The following SUCLG2 variants were observed in gnomAD, a reference collection of about 807,000 sequenced individuals.
SUCLG2 encodes succinate-CoA ligase GDP-forming subunit beta.
A neutral mutation model predicts 47.9 loss-of-function variants in SUCLG2; 42 were observed. The observed-to-expected ratio is 0.88, with a 90% CI of 0.69 to 1.14. SUCLG2 has a LOEUF of 1.14. Ranked by LOEUF, SUCLG2 falls within the 50% of genes most tolerant of loss-of-function variation. The pLI is 0.00. For missense variants in SUCLG2, 571 were observed against 525.9 expected (o/e 1.09, Z -0.84); for synonymous variants, 195 against 197.3 (o/e 0.99, Z 0.10).
rs1705326312 is a variant in SUCLG2 at position 67,495,902 on chromosome 3, T to C, written c.958A>G (p.Ile320Val). ...GCTGGCTTCCCACCATTAAGGAAAA[T>C]GATATCACAAGTAGCCATGGCGAGC... ...AGLAMATCDI[I>V]FLNGGKPANF... Residue 320 changes from isoleucine (I) to valine (V), a missense_variant, in exon 9 of 11, where the codon ATT becomes GTT. By Grantham distance (29) the Ile-to-Val change is conservative. Coordinates refer to ENST00000307227, the MANE Select transcript of SUCLG2 (RefSeq NM_003848.4). 9.3e-6 allele frequency: 15 copies of C among 1,613,790 alleles called. No individual in the cohort carries two copies. Among genetic ancestry groups the C allele is most frequent in the Non-Finnish European group, 1.3e-5 (15 of 1,179,974 alleles).
rs576464874 is a variant in SUCLG2 at position 67,573,083 on chromosome 3, A to T, written c.226+36372T>A. Among the ~76,000 whole-genome samples the T allele has an allele frequency of 1.6e-4, 25 of 152,368 alleles. No homozygotes were observed. In the East Asian group the frequency reaches 4.6e-3, roughly 28 times the overall value. On this transcript the variant is annotated intron_variant, in intron 2 of 10. Transcript: ENST00000307227. ...AATGCCATTCACAGTAGCATCAAAA[A>T]TAAAATACTTAGAAATAAATTTAAC...
chr3:67,520,473 T>G lies in SUCLG2; in HGVS notation c.570+9A>C. ...AATTAATAGCAGGTAGCCCGGAATT[T>G]AAACATACCTTAAAAATGAGCTCCG... On this transcript the variant is annotated intron_variant, in intron 5 of 10. Transcript: ENST00000307227. 3 of 1,613,964 alleles carry G rather than the reference T, an allele frequency of 1.9e-6. No individual in the cohort carries two copies. Among genetic ancestry groups the G allele is most frequent in the Non-Finnish European group, 1.7e-6 (2 of 1,179,878 alleles).
chr3:67,631,150 T>G (rs1290431118), intron 1 of SUCLG2, among the ~76,000 whole-genome samples: 2 of 152,162 alleles, frequency 1.3e-5, no homozygotes, highest in African/African-American at 4.8e-5. Context: ...TTCAGCAGCC[T>G]CCCAGTGCAG....
chr3:67,588,383 A>G (rs1708078562), intron 2 of SUCLG2, among the ~76,000 whole-genome samples: 1 of 152,210 alleles, frequency 6.6e-6, no homozygotes, highest in African/African-American at 2.4e-5. Context: ...ATCCATAAGA[A>G]AGTACACACA....
At chr3:67,562,210 T>C (rs1306665059) in intron 2 of SUCLG2, among the ~76,000 whole-genome samples, 1 of 152,146 alleles carries the variant, frequency 6.6e-6, no homozygotes, top group Non-Finnish European at 1.5e-5. Context: ...TCTTCAGTCA[T>C]AGTGGCATTC....
chr3:67,523,523 G>T (rs894513952), intron 4 of SUCLG2, among the ~76,000 whole-genome samples: 9 of 152,002 alleles, frequency 5.9e-5, no homozygotes, highest in Middle Eastern at 3.2e-3. Context: ...CTGATTGAGG[G>T]GTAGGACAAT....
chr3:67,532,507 A>T (rs929005474), intron 2 of SUCLG2, among the ~76,000 whole-genome samples: 1 of 152,108 alleles, frequency 6.6e-6, no homozygotes, highest in African/African-American at 2.4e-5. Context: ...GGTCTGGATA[A>T]CTCCAAAGTC....
intron 9 of SUCLG2, among the ~76,000 whole-genome samples, chr3:67,474,146 G>C (rs988483525): frequency 1.3e-5 from 2 of 152,060 alleles, no homozygotes; most frequent in African/African-American, 4.8e-5. Flanking sequence ...TGTAGTCCCA[G>C]ATACTCAGGA....
At chr3:67,508,740 C>A in intron 7 of SUCLG2, 67 bp downstream of exon 7, 1 of 1,222,594 alleles carries the variant, frequency 8.2e-7, no homozygotes, top group Non-Finnish European at 1.2e-6. Flanking sequence ...GTCTTTTGTG[C>A]AATTTATAGT....
chr3:67,434,488 C>G (rs561623329), intron 9 of SUCLG2, among the ~76,000 whole-genome samples: 3 of 152,270 alleles, frequency 2.0e-5, no homozygotes, highest in Non-Finnish European at 4.4e-5. Context: ...GATCATGCCA[C>G]TTGTATTCCA....
chr3:67,550,843 C>A (rs185899931), intron 2 of SUCLG2, among the ~76,000 whole-genome samples: 164 of 147,854 alleles, frequency 1.1e-3, no homozygotes, highest in African/African-American at 3.9e-3. Context: ...TTCTTATCTA[C>A]AAAATGAAGC....
At chr3:67,487,717 C>T (rs1312823657) in intron 9 of SUCLG2, among the ~76,000 whole-genome samples, 1 of 152,138 alleles carries the variant, frequency 6.6e-6, no homozygotes, top group Non-Finnish European at 1.5e-5. Context: ...AATAAATGGG[C>T]AGTCAACTCA....
chr3:67,551,312 T>C (rs1319138230), intron 2 of SUCLG2, among the ~76,000 whole-genome samples: 2 of 152,230 alleles, frequency 1.3e-5, no homozygotes, highest in Non-Finnish European at 2.9e-5. Flanking sequence ...AGGATTCGCC[T>C]GCTACAAATG....
chr3:67,506,033 G>A (rs1194309403), intron 7 of SUCLG2, among the ~76,000 whole-genome samples: 1 of 152,116 alleles, frequency 6.6e-6, no homozygotes, highest in Non-Finnish European at 1.5e-5. Context: ...ATGTGATGCT[G>A]AGCTCCTTAA....
intron 2 of SUCLG2, among the ~76,000 whole-genome samples, chr3:67,560,509 C>G (rs538060040): frequency 3.3e-5 from 5 of 152,224 alleles, no homozygotes; most frequent in Non-Finnish European, 5.9e-5. Context: ...CAAGAGATGT[C>G]TCTAAGCTAG....
chr3:67,632,808 T>C (rs1029841934), intron 1 of SUCLG2, among the ~76,000 whole-genome samples: 36 of 152,186 alleles, frequency 2.4e-4, no homozygotes, highest in Non-Finnish European at 2.8e-4. Flanking sequence ...CTAGAGTCTA[T>C]GACCTTAATC....
chr3:67,360,891 G>A, intron 10 of SUCLG2: 1 of 809,808 alleles, frequency 1.2e-6, no homozygotes, highest in South Asian at 3.2e-5. Context: ...TCGTGTTACT[G>A]ATTCTTCTCC....
At chr3:67,442,609 A>G (rs1438035448) in intron 9 of SUCLG2, among the ~76,000 whole-genome samples, 1 of 152,184 alleles carries the variant, frequency 6.6e-6, no homozygotes, top group Admixed American at 6.5e-5. Context: ...AGATATGACC[A>G]AAGACTTTGG....
chr3:67,405,165 C>T (rs1350347061), intron 9 of SUCLG2, among the ~76,000 whole-genome samples: 6 of 152,050 alleles, frequency 3.9e-5, no homozygotes, highest in Non-Finnish European at 8.8e-5. Context: ...GATACAGGGC[C>T]CGGGTCCCCA....
Sources: gnomAD v4.1 joint callset for allele counts (sites outside exome capture counted in the v4.1 genomes callset) on GRCh38, gnomAD v4.1.1 for gene constraint, MANE v1.5 for transcripts, NCBI Gene and HGNC (gene_info 2026-07-23, HGNC 2026-07-21) for gene names.